Variants in NEBL observed in about 807,000 individuals in gnomAD.
NEBL encodes LIM and SH3 protein 2.
NEBL carries 122 observed loss-of-function variants against 140.2 expected under a neutral mutation model. The observed-to-expected ratio is 0.87, with a 90% confidence interval of 0.75 to 1.01. The LOEUF is 1.01. Ranked by LOEUF, NEBL falls within the 50% of genes least tolerant of loss-of-function variation. The pLI, the probability that NEBL is intolerant of heterozygous loss-of-function variation, is 0.00. For synonymous variants in NEBL, 436 were observed against 398.9 expected (o/e 1.09, Z -1.11); for missense variants, 1,365 against 1,231.3 (o/e 1.11, Z -1.62).
intron 4 of NEBL, among the ~76,000 whole-genome samples, chr10:20,946,493 G>A (rs947909266): frequency 5.3e-5 from 8 of 151,912 alleles, no homozygotes; most frequent in African/African-American, 1.2e-4. Flanking sequence ...ACAGGATCTC[G>A]CTCTGTCACC....
At chr10:20,884,954 CTTT>C (rs1846363961) in intron 4 of NEBL, among the ~76,000 whole-genome samples, 2 of 152,194 alleles carry the variant, frequency 1.3e-5, no homozygotes, top group Admixed American at 1.3e-4. Flanking sequence ...ATCTCTCTCT[CTTT>C]TTCTGGCATT....
At chr10:21,152,004 A>T (rs767516473) in intron 2 of NEBL, among the ~76,000 whole-genome samples, 22 of 152,244 alleles carry the variant, frequency 1.4e-4, no homozygotes, top group Non-Finnish European at 2.6e-4. Flanking sequence ...AGTACTTAGA[A>T]CAGCGCCTGG....
At chr10:21,077,761 C>T (rs1317349846) in intron 2 of NEBL, among the ~76,000 whole-genome samples, 1 of 151,860 alleles carries the variant, frequency 6.6e-6, no homozygotes, top group African/African-American at 2.4e-5. Context: ...TTCATAAATC[C>T]CCTAGCACTT....
intron 3 of NEBL, among the ~76,000 whole-genome samples, chr10:20,965,738 C>A (rs377065610): frequency 6.6e-6 from 1 of 152,154 alleles, no homozygotes; most frequent in Admixed American, 6.5e-5. Flanking sequence ...AGGACAGACG[C>A]GAGAAGCCCA....
At chr10:21,117,350 T>G (rs1484066555) in intron 2 of NEBL, among the ~76,000 whole-genome samples, 1 of 152,126 alleles carries the variant, frequency 6.6e-6, no homozygotes, top group African/African-American at 2.4e-5. Context: ...ACTCAGCAGA[T>G]CTCCAGAGTC....
At chr10:21,134,848 C>G (rs746044060) in intron 2 of NEBL, among the ~76,000 whole-genome samples, 1 of 152,188 alleles carries the variant, frequency 6.6e-6, no homozygotes, top group Admixed American at 6.5e-5. Context: ...CTGGAAGGTA[C>G]GCTACTCTGC....
intron 3 of NEBL, among the ~76,000 whole-genome samples, chr10:21,236,274 A>T (rs1842347359): frequency 6.6e-6 from 1 of 152,084 alleles, no homozygotes; most frequent in African/African-American, 2.4e-5. Flanking sequence ...ACTGAATTTT[A>T]CAATGTTGCT....
At chr10:21,242,263 T>C (rs985805284) in intron 3 of NEBL, among the ~76,000 whole-genome samples, 13 of 152,046 alleles carry the variant, frequency 8.6e-5, no homozygotes, top group African/African-American at 2.9e-4. Flanking sequence ...ATGTGGTACA[T>C]ACACACCATG....
intron 3 of NEBL, among the ~76,000 whole-genome samples, chr10:21,013,345 A>G (rs1179186469): frequency 6.6e-6 from 1 of 152,228 alleles, no homozygotes; most frequent in Non-Finnish European, 1.5e-5. Flanking sequence ...TAACCATTAC[A>G]TACATGAGAA....
rs559091048 is a variant in NEBL, at chr10:20,984,389, T to C, written c.250-22610A>G. ...ATCTAGAGGAATGGAATGTTGTTTA[T>C]GTTTTTCATGTAGGACAAAATAAAA... On this transcript the variant is annotated intron_variant, in intron 3 of 6. Coordinates refer to the NEBL transcript ENST00000417816. Among the ~76,000 whole-genome samples, 6 of 152,332 alleles carry C rather than the reference T, an allele frequency of 3.9e-5. No individual in the cohort carries two copies. The South Asian group carries it at 1.2e-3, about 32-fold the overall frequency.
At chr10:20,839,727 A>C (rs1322999518) in intron 13 of NEBL, among the ~76,000 whole-genome samples, 1 of 152,140 alleles carries the variant, frequency 6.6e-6, no homozygotes, top group Admixed American at 6.5e-5. Context: ...CTACTCCCCC[A>C]ATCCCAGACA....
intron 3 of NEBL, among the ~76,000 whole-genome samples, chr10:21,231,957 C>T (rs1240234945): frequency 1.3e-5 from 2 of 152,138 alleles, no homozygotes; most frequent in African/African-American, 2.4e-5. Context: ...GCGGTTTATA[C>T]ACAACTGATC....
intron 4 of NEBL, among the ~76,000 whole-genome samples, chr10:20,910,458 G>A (rs1848282218): frequency 6.6e-6 from 1 of 152,108 alleles, no homozygotes; most frequent in South Asian, 2.1e-4. Context: ...CTGTTTTTTG[G>A]CCTGGCAGTA....
intron 3 of NEBL, among the ~76,000 whole-genome samples, chr10:21,246,894 C>A (rs887872789): frequency 6.6e-6 from 1 of 152,106 alleles, no homozygotes; most frequent in Non-Finnish European, 1.5e-5. Flanking sequence ...TGTGTCCCCA[C>A]CCAAATCTCA....
At chr10:21,245,930 C>T (rs1201219964) in intron 3 of NEBL, among the ~76,000 whole-genome samples, 2 of 152,112 alleles carry the variant, frequency 1.3e-5, no homozygotes, top group African/African-American at 4.8e-5. Flanking sequence ...CTCCTGACCT[C>T]GTGATCCGCC....
At chr10:20,893,164 G>C (rs1418735071) in intron 2 of NEBL, among the ~76,000 whole-genome samples, 1 of 152,128 alleles carries the variant, frequency 6.6e-6, no homozygotes. Flanking sequence ...GGCTCTTTCT[G>C]CCTAATCTAC....
chr10:21,015,263 T>C (rs1171927165), intron 3 of NEBL, among the ~76,000 whole-genome samples: 2 of 152,194 alleles, frequency 1.3e-5, no homozygotes, highest in African/African-American at 4.8e-5. Context: ...GCCAGGGGCT[T>C]GCCCCCGCTC....
At chr10:21,255,735 C>T (rs544381305) in intron 1 of NEBL, among the ~76,000 whole-genome samples, 2 of 152,074 alleles carry the variant, frequency 1.3e-5, no homozygotes, top group Non-Finnish European at 2.9e-5. Flanking sequence ...CGGTGGCTCA[C>T]ACCGGTAATC....
At chr10:21,280,831 T>C (rs531526797) in intron 1 of NEBL, among the ~76,000 whole-genome samples, 7 of 152,102 alleles carry the variant, frequency 4.6e-5, no homozygotes, top group Admixed American at 4.6e-4. Context: ...GCCAGGCTGG[T>C]CTCAAACTCC....
Sources: gnomAD v4.1 joint callset for allele counts (sites outside exome capture counted in the v4.1 genomes callset) on GRCh38, gnomAD v4.1.1 for gene constraint, MANE v1.5 for transcripts, NCBI Gene and HGNC (gene_info 2026-07-23, HGNC 2026-07-21) for gene names.